HOOK3: variants seen among roughly 807,000 people sequenced by gnomAD.
HOOK3 encodes the protein protein Hook homolog 3.
In HOOK3, 24 loss-of-function variants were observed where a neutral mutation model predicts 116.3. The ratio of observed to expected loss-of-function variants is 0.21; its 90% CI spans 0.15 to 0.29. HOOK3 has a LOEUF of 0.29. HOOK3 is among the 10% of genes least tolerant of loss of function. The pLI, the probability that HOOK3 is intolerant of heterozygous loss-of-function variation, is 1.00. For synonymous variants in HOOK3, 275 were observed against 283.0 expected (o/e 0.97, Z 0.28); for missense variants, 632 against 830.2 (o/e 0.76, Z 2.93).
At chr8:42,962,261 C>CTTTTT (rs559919675) in intron 8 of HOOK3, among the ~76,000 whole-genome samples, 13 of 117,758 alleles carry the variant, frequency 1.1e-4, no homozygotes, top group Non-Finnish European at 1.6e-4. Context: ...ATTTTCATTT[C>CTTTTT]TTTTTTTTTT....
intron 4 of HOOK3, 140 bp downstream of exon 4, chr8:42,930,312 A>G (rs1022106983): frequency 1.4e-6 from 1 of 695,844 alleles, no homozygotes; most frequent in Non-Finnish European, 2.1e-6. Context: ...TAATAGGATG[A>G]TGGTTCAACC....
chr8:42,939,708 G>A (rs915249793), intron 4 of HOOK3, among the ~76,000 whole-genome samples: 1 of 147,984 alleles, frequency 6.8e-6, no homozygotes, highest in African/African-American at 2.5e-5. Flanking sequence ...TGGGCGGAGG[G>A]GCTCCTCACT....
intron 5 of HOOK3, among the ~76,000 whole-genome samples, chr8:42,948,502 G>A (rs1260608315): frequency 6.6e-6 from 1 of 152,100 alleles, no homozygotes; most frequent in Non-Finnish European, 1.5e-5. Flanking sequence ...CTTAACTAAC[G>A]CTTCCCCTCT....
chr8:42,901,633 A>G (rs2130312122), intron 1 of HOOK3, among the ~76,000 whole-genome samples: 1 of 152,348 alleles, frequency 6.6e-6, no homozygotes, highest in East Asian at 1.9e-4. Context: ...GGGCTAATAC[A>G]GAGAAAATAA....
intron 2 of HOOK3, among the ~76,000 whole-genome samples, chr8:42,908,250 T>C (rs1294200087): frequency 6.6e-6 from 1 of 152,220 alleles, no homozygotes; most frequent in Non-Finnish European, 1.5e-5. Flanking sequence ...TGAAAGTGAT[T>C]TGCAGATTCA....
intron 2 of HOOK3, among the ~76,000 whole-genome samples, chr8:42,909,309 T>G (rs1807377049): frequency 6.6e-6 from 1 of 152,232 alleles, no homozygotes; most frequent in African/African-American, 2.4e-5. Flanking sequence ...GCCAAAGGAT[T>G]TGAAACTGGT....
intron 2 of HOOK3, among the ~76,000 whole-genome samples, chr8:42,924,523 C>G (rs983376719): frequency 6.6e-6 from 1 of 151,992 alleles, no homozygotes; most frequent in South Asian, 2.1e-4. Flanking sequence ...AAACCTAGTA[C>G]TACATCTGAG....
Position 42,896,989 on chromosome 8 carries a change from C to T in HOOK3, c.-143C>T, listed in dbSNP as rs577893843. ...GGGGGTGACGGTGCGGAGCCGCTGC[C>T]AGCGCTGGGCGAGAGTCGGCGGCCG... On this transcript the variant is annotated 5_prime_UTR_variant, in exon 1 of 22. Transcript: ENST00000307602. The T allele has an allele frequency of 2.2e-5, 11 of 506,770 alleles. No homozygotes were observed. In the East Asian group the frequency reaches 3.9e-4, roughly 18 times the overall value. 31.4% of individuals were successfully genotyped at this position (506,770 alleles called of 1,614,324 possible).
intron 4 of HOOK3, among the ~76,000 whole-genome samples, chr8:42,931,576 T>G (rs1311046425): frequency 6.6e-6 from 1 of 150,824 alleles, no homozygotes; most frequent in African/African-American, 2.4e-5. Context: ...GGACTACAGG[T>G]GCCTGCCACC....
chr8:42,898,962 T>C (rs1807124703), intron 1 of HOOK3, among the ~76,000 whole-genome samples: 1 of 152,254 alleles, frequency 6.6e-6, no homozygotes, highest in South Asian at 2.1e-4. Flanking sequence ...ATGCAATTTA[T>C]TGAACACTGT....
intron 2 of HOOK3, among the ~76,000 whole-genome samples, chr8:42,924,918 A>G (rs1455456889): frequency 6.6e-6 from 1 of 151,240 alleles, no homozygotes; most frequent in Non-Finnish European, 1.5e-5. Context: ...GGTTGCAGTG[A>G]GCCGAGATCA....
At chr8:42,981,299 C>T (rs916771501) in intron 13 of HOOK3, among the ~76,000 whole-genome samples, 1 of 151,888 alleles carries the variant, frequency 6.6e-6, no homozygotes, top group Non-Finnish European at 1.5e-5. Context: ...TCGATCCGCC[C>T]ACCTCGGCCT....
At chr8:43,013,510 G>T in intron 21 of HOOK3, 110 bp downstream of exon 21, 1 of 878,522 alleles carries the variant, frequency 1.1e-6, no homozygotes, top group South Asian at 2.6e-5. Flanking sequence ...GAAAGTAACT[G>T]CTATCCTAAC....
At chr8:42,900,266 C>T (rs545034585) in intron 1 of HOOK3, among the ~76,000 whole-genome samples, 2 of 152,290 alleles carry the variant, frequency 1.3e-5, no homozygotes, top group East Asian at 3.9e-4. Flanking sequence ...CCTCTCTCCA[C>T]CCTCTGAGTC....
intron 16 of HOOK3, among the ~76,000 whole-genome samples, chr8:43,001,878 A>G (rs1809386527): frequency 1.3e-5 from 2 of 152,122 alleles, no homozygotes; most frequent in Non-Finnish European, 2.9e-5. Context: ...GAGAATTCAT[A>G]TATATCCAGG....
At chr8:42,943,046 C>A (rs1563297413) in intron 4 of HOOK3, among the ~76,000 whole-genome samples, 1 of 152,076 alleles carries the variant, frequency 6.6e-6, no homozygotes, top group Non-Finnish European at 1.5e-5. Context: ...ACACCTATTT[C>A]TTCTGGGAGT....
rs540137835 is a variant in HOOK3, at chr8:42,975,293, C to T, written c.1321+1099C>T. Among the ~76,000 whole-genome samples the T allele has an allele frequency of 5.3e-5, 8 of 152,312 alleles. No homozygotes were observed. The South Asian group carries it at 6.2e-4, about 12-fold the overall frequency. On this transcript the variant is annotated intron_variant, in intron 13 of 21. Coordinates refer to ENST00000307602, the MANE Select transcript of HOOK3 (RefSeq NM_032410.4). Reference sequence around the variant, plus strand: ...TTTTTATTCCAGCCCTTGACATTTCCGTACTTCATTTCTCAGTCAGCATTG... The same window carrying T: ...TTTTTATTCCAGCCCTTGACATTTCTGTACTTCATTTCTCAGTCAGCATTG...
chr8:43,027,268 C>T lies in HOOK3; in HGVS notation c.*8770C>T. Reference sequence around the variant, plus strand: ...CTACCGAGAGACTTTCTTTAGGAGCCAGGACTTCTACATTTGTAACTTGAG... The same window carrying T: ...CTACCGAGAGACTTTCTTTAGGAGCTAGGACTTCTACATTTGTAACTTGAG... On this transcript the variant is annotated 3_prime_UTR_variant, in exon 22 of 22. Transcript: ENST00000307602. 1 of 252,234 alleles carries T rather than the reference C, an allele frequency of 4.0e-6. No homozygotes were observed. The highest frequency in any genetic ancestry group is 4.8e-5 in the South Asian group (1 of 20,810). The allele number at this position is 252,234 out of a possible 1,614,324, so 15.6% of individuals were successfully genotyped here. A position where few individuals can be genotyped will look rare whatever the true frequency, so the allele number is the denominator to read the frequency against.
At position 42,906,265 on chromosome 8, in the gene HOOK3, A is replaced by AT. The variant is rs1445894088; in HGVS notation, c.143+8dup. 1 of 1,578,842 alleles carries AT rather than the reference A, an allele frequency of 6.3e-7. No individual in the cohort carries two copies. The highest frequency in any genetic ancestry group is 1.4e-5 in the African/African-American group (1 of 73,918). The stretch of plus-strand genomic sequence containing the variant: ...CCCAGGTTCTTCAAAAGATGTAAGA[A>AT]TAAATTGCTTATCTTTATGTGTATT... On this transcript the variant is annotated splice_region_variant and intron_variant, in intron 2 of 21. Coordinates refer to ENST00000307602, the MANE Select transcript of HOOK3 (RefSeq NM_032410.4).
Sources: allele counts gnomAD v4.1 joint callset (sites outside exome capture counted in the v4.1 genomes callset), GRCh38; gene constraint gnomAD v4.1.1; transcripts MANE v1.5; gene names NCBI Gene and HGNC (gene_info 2026-07-23, HGNC 2026-07-21).